Variants in KCTD8 observed in about 807,000 individuals in gnomAD.
KCTD8 encodes potassium channel tetramerization domain containing 8.
KCTD8 carries 27 observed loss-of-function variants against 31.5 expected under a neutral mutation model. The observed-to-expected ratio is 0.86, with a 90% CI of 0.63 to 1.18. The LOEUF (loss-of-function observed/expected upper bound fraction) is 1.18, where lower values mean the gene tolerates loss of function less well. KCTD8 is among the 50% of genes most tolerant of loss of function. KCTD8 has a pLI of 0.00. For missense variants in KCTD8, 658 were observed against 647.7 expected (o/e 1.02, Z -0.17); for synonymous variants, 290 against 280.0 (o/e 1.04, Z -0.36).
chr4:44,178,160 A>G (rs1272005805), intron 1 of KCTD8, among the ~76,000 whole-genome samples: 1 of 152,246 alleles, frequency 6.6e-6, no homozygotes, highest in Admixed American at 6.5e-5. Flanking sequence ...CTCATCTATA[A>G]TATGAGTAAA....
At chr4:44,255,003 G>A (rs921098747) in intron 1 of KCTD8, among the ~76,000 whole-genome samples, 1 of 151,852 alleles carries the variant, frequency 6.6e-6, no homozygotes, top group Non-Finnish European at 1.5e-5. Context: ...CCACACCCCA[G>A]AAATAATTTT....
At chr4:44,301,689 T>A (rs970791410) in intron 1 of KCTD8, among the ~76,000 whole-genome samples, 3 of 152,222 alleles carry the variant, frequency 2.0e-5, no homozygotes, top group Non-Finnish European at 4.4e-5. Flanking sequence ...CTAATGGTAG[T>A]TTCTTTTGCT....
intron 1 of KCTD8, among the ~76,000 whole-genome samples, chr4:44,179,828 A>G (rs1317654552): frequency 6.6e-6 from 1 of 152,178 alleles, no homozygotes; most frequent in Non-Finnish European, 1.5e-5. Context: ...GGACTAAGAT[A>G]CAATAACTTA....
chr4:44,248,529 C>A (rs1715733752), intron 1 of KCTD8, among the ~76,000 whole-genome samples: 1 of 151,704 alleles, frequency 6.6e-6, no homozygotes, highest in African/African-American at 2.4e-5. Flanking sequence ...AAATATTAAC[C>A]TTTCTGCCTG....
At chr4:44,329,390 AG>A (rs1361750184) in intron 1 of KCTD8, among the ~76,000 whole-genome samples, 9 of 152,070 alleles carry the variant, frequency 5.9e-5, no homozygotes, top group African/African-American at 2.2e-4. Context: ...TTTTGAGGAA[AG>A]GAAAAATATT....
chr4:44,435,051 A>C (rs1721609514), intron 1 of KCTD8, among the ~76,000 whole-genome samples: 1 of 152,016 alleles, frequency 6.6e-6, no homozygotes. Flanking sequence ...GCTTGCATAG[A>C]ACTTTCAACT....
intron 1 of KCTD8, among the ~76,000 whole-genome samples, chr4:44,348,412 G>A (rs955241481): frequency 1.3e-5 from 2 of 151,970 alleles, no homozygotes; most frequent in Non-Finnish European, 2.9e-5. Context: ...TTTCAGTGAG[G>A]GTAGAAAATA....
chr4:44,287,957 A>G (rs1032975699), intron 1 of KCTD8, among the ~76,000 whole-genome samples: 1 of 152,164 alleles, frequency 6.6e-6, no homozygotes, highest in Non-Finnish European at 1.5e-5. Flanking sequence ...AGTATAGAGT[A>G]TATGCAAGGT....
intron 1 of KCTD8, among the ~76,000 whole-genome samples, chr4:44,321,364 A>C (rs1168535492): frequency 1.3e-5 from 2 of 152,216 alleles, no homozygotes; most frequent in Non-Finnish European, 2.9e-5. Flanking sequence ...TTTTCAAATT[A>C]AGACTTACTG....
chr4:44,313,716 A>G (rs192201774), intron 1 of KCTD8, among the ~76,000 whole-genome samples: 2 of 152,328 alleles, frequency 1.3e-5, no homozygotes, highest in East Asian at 3.9e-4. Context: ...CAATGGAGAT[A>G]TGATATCCTA....
intron 1 of KCTD8, among the ~76,000 whole-genome samples, chr4:44,392,541 C>T (rs1720399429): frequency 6.6e-6 from 1 of 151,894 alleles, no homozygotes; most frequent in Non-Finnish European, 1.5e-5. Flanking sequence ...TTGAATTTAT[C>T]CAAATCACCT....
chr4:44,364,058 A>C (rs1719567970), intron 1 of KCTD8, among the ~76,000 whole-genome samples: 1 of 152,108 alleles, frequency 6.6e-6, no homozygotes, highest in Non-Finnish European at 1.5e-5. Flanking sequence ...ACAACATGAA[A>C]AGCACTATCG....
intron 1 of KCTD8, among the ~76,000 whole-genome samples, chr4:44,441,411 G>C (rs2109484512): frequency 6.6e-6 from 1 of 151,994 alleles, no homozygotes; most frequent in African/African-American, 2.4e-5. Context: ...AACCCTTCCA[G>C]CAAGACATAA....
chr4:44,198,425 A>G (rs1368336117), intron 1 of KCTD8, among the ~76,000 whole-genome samples: 2 of 152,188 alleles, frequency 1.3e-5, no homozygotes, highest in Non-Finnish European at 2.9e-5. Context: ...TGGGTTACTT[A>G]CAAAGGGAAA....
At chr4:44,246,732 G>A (rs529382135) in intron 1 of KCTD8, among the ~76,000 whole-genome samples, 42 of 151,650 alleles carry the variant, frequency 2.8e-4, no homozygotes, top group Admixed American at 2.8e-3. Flanking sequence ...CTACCTTCAC[G>A]CCTTACCTGA....
intron 1 of KCTD8, among the ~76,000 whole-genome samples, chr4:44,360,556 C>A (rs890499760): frequency 1.3e-5 from 2 of 151,966 alleles, no homozygotes; most frequent in African/African-American, 4.8e-5. Flanking sequence ...AACTAAGGAA[C>A]AAGTGTTTTC....
At chr4:44,331,818 T>C (rs551249015) in intron 1 of KCTD8, among the ~76,000 whole-genome samples, 1 of 149,190 alleles carries the variant, frequency 6.7e-6, no homozygotes, top group Non-Finnish European at 1.5e-5. Context: ...ATATATAAAT[T>C]CATATATATG....
chr4:44,284,330 C>A (rs1716994300), intron 1 of KCTD8, among the ~76,000 whole-genome samples: 1 of 151,284 alleles, frequency 6.6e-6, no homozygotes, highest in African/African-American at 2.4e-5. Context: ...CACCACATAC[C>A]ATCTGATCTT....
intron 1 of KCTD8, among the ~76,000 whole-genome samples, chr4:44,413,758 T>C (rs774813433): frequency 4.6e-5 from 7 of 151,958 alleles, no homozygotes; most frequent in Non-Finnish European, 7.4e-5. Context: ...TCTGTGACTA[T>C]GTACAAAAAG....
Sources: gnomAD v4.1 joint callset for allele counts (sites outside exome capture counted in the v4.1 genomes callset) on GRCh38, gnomAD v4.1.1 for gene constraint, MANE v1.5 for transcripts, NCBI Gene and HGNC (gene_info 2026-07-23, HGNC 2026-07-21) for gene names.